Variants in NALCN observed in about 807,000 individuals in gnomAD.
The protein encoded by NALCN is sodium leak channel, non-selective.
In NALCN, 111 loss-of-function variants were observed where a neutral mutation model predicts 225.3. That is an observed-to-expected ratio of 0.49 (90% CI 0.42 to 0.58). The LOEUF is 0.58. Among genes scored for constraint, NALCN ranks in the 20% least tolerant of loss-of-function variants. The probability of loss-of-function intolerance (pLI) is 0.00; values close to 1 mark genes in which losing one functional copy is unlikely to be tolerated. For synonymous variants in NALCN, 764 were observed against 769.0 expected, an observed-to-expected ratio of 0.99 and a Z score of 0.11; for missense variants, 1,378 against 2,202.4, an observed-to-expected ratio of 0.63 and a Z score of 7.49.
intron 35 of NALCN, 22 bp from the exon 36 acceptor site, chr13:101,074,684 C>G: frequency 3.2e-6 from 5 of 1,561,530 alleles, no homozygotes; most frequent in South Asian, 1.2e-5. Context: ...GGGTGGGAAG[C>G]GGGGAGACAG....
At chr13:101,120,501 T>C (rs1189634908) in intron 18 of NALCN, among the ~76,000 whole-genome samples, 2 of 144,512 alleles carry the variant, frequency 1.4e-5, no homozygotes, top group Non-Finnish European at 3.0e-5. Context: ...CTCTACCCAA[T>C]GGGGATCAAT....
intron 11 of NALCN, among the ~76,000 whole-genome samples, chr13:101,242,246 C>T (rs1416375950): frequency 1.9e-5 from 2 of 105,796 alleles, no homozygotes; most frequent in Middle Eastern, 3.9e-3. Flanking sequence ...CTTGGTCTTA[C>T]GCTTCCTGTG....
At chr13:101,078,303 C>T (rs1037963635) in intron 34 of NALCN, among the ~76,000 whole-genome samples, 3 of 152,140 alleles carry the variant, frequency 2.0e-5, no homozygotes, top group Admixed American at 6.5e-5. Flanking sequence ...ATCCTCCAGA[C>T]TCCAGAATGG....
intron 6 of NALCN, among the ~76,000 whole-genome samples, chr13:101,358,828 A>T (rs974703328): frequency 2.0e-5 from 3 of 152,210 alleles, no homozygotes. Flanking sequence ...GACTAAGAAA[A>T]TGTGGGACAT....
intron 22 of NALCN, among the ~76,000 whole-genome samples, chr13:101,106,734 A>G (rs1302650637): frequency 6.6e-6 from 1 of 152,128 alleles, no homozygotes; most frequent in African/African-American, 2.4e-5. Context: ...GCCATGTAAG[A>G]TGTGCCTTTT....
chr13:101,096,210 C>T (rs1378039751), intron 27 of NALCN, among the ~76,000 whole-genome samples: 2 of 152,140 alleles, frequency 1.3e-5, no homozygotes, highest in Non-Finnish European at 2.9e-5. Context: ...GCCAGCAACT[C>T]CACTCCTAGG....
At chr13:101,343,065 T>A (rs1429383552) in intron 7 of NALCN, among the ~76,000 whole-genome samples, 1 of 152,156 alleles carries the variant, frequency 6.6e-6, no homozygotes, top group African/African-American at 2.4e-5. Context: ...AATTATGTTT[T>A]AAATTCAAAT....
intron 7 of NALCN, among the ~76,000 whole-genome samples, chr13:101,334,005 C>G (rs779522407): frequency 1.1e-4 from 17 of 152,094 alleles, no homozygotes; most frequent in Non-Finnish European, 2.2e-4. Context: ...AAAAGGCAAT[C>G]TATCAAATAT....
At chr13:101,088,793 T>C (rs2139542578) in intron 30 of NALCN, among the ~76,000 whole-genome samples, 1 of 152,378 alleles carries the variant, frequency 6.6e-6, no homozygotes, top group South Asian at 2.1e-4. Flanking sequence ...ATTGTTATTT[T>C]CCCATTTGTG....
intron 7 of NALCN, among the ~76,000 whole-genome samples, chr13:101,314,917 C>T (rs535161968): frequency 1.1e-4 from 17 of 151,948 alleles, no homozygotes; most frequent in Non-Finnish European, 2.4e-4. Flanking sequence ...TAGTTGGTTC[C>T]CACTGGCGGG....
Position 101,283,957 on chromosome 13 carries a change from C to G in NALCN, c.1110G>C (p.Gln370His). 1 of 1,613,596 alleles carries G rather than the reference C, an allele frequency of 6.2e-7. No homozygotes were observed. Among genetic ancestry groups the G allele is most frequent in the South Asian group, 1.1e-5 (1 of 90,934 alleles). ...CCTGGAGGCAGGCTGGGGCGCGTCCCTGGGGCTTGTTGACATCCACAGCTA... is the reference window on the plus strand; with the variant it reads ...CCTGGAGGCAGGCTGGGGCGCGTCCGTGGGGCTTGTTGACATCCACAGCTA... ...QLVAVDVNKP[Q>H]GRAPACLQKM... Residue 370 changes from glutamine to histidine, a missense_variant, in exon 10 of 44, where the codon CAG (glutamine) becomes CAC (histidine). By Grantham distance (24) the Gln-to-His change is conservative. Around this residue, in one of 19 missense-constraint regions of NALCN, gnomAD observed 144 missense variants for 187.7 expected, o/e 0.77. Coordinates refer to ENST00000251127, the MANE Select transcript of NALCN (RefSeq NM_052867.4).
In NALCN at chr13:101,326,289, AAACATAGTGCCT is replaced by A. The variant is rs531726866; in HGVS notation, c.799+18965_799+18976del. Among the ~76,000 whole-genome samples the A allele has an allele frequency of 4.2e-3, 647 of 152,354 alleles. 3 individuals carry two copies. The highest frequency in any genetic ancestry group is 0.015 in the African/African-American group (617 of 41,578). On this transcript the variant is annotated intron_variant, in intron 7 of 43. Transcript: ENST00000251127. ...TACCTGGTGCCTGCCTTCCAGTGGT[AAACATAGTGCCT>A]AACATATAGTAGATCTCAATAAATA...
intron 43 of NALCN, 127 bp downstream of exon 43, chr13:101,057,812 T>C (rs2031446012): frequency 1.3e-6 from 1 of 780,070 alleles, no homozygotes; most frequent in East Asian, 2.4e-5. Flanking sequence ...CATTTTTCAT[T>C]ATGTTGCTGT....
intron 6 of NALCN, among the ~76,000 whole-genome samples, chr13:101,360,142 CTCT>C (rs1312114215): frequency 1.7e-4 from 22 of 132,212 alleles, no homozygotes; most frequent in East Asian, 1.2e-3. Context: ...CTTTCTTTCT[CTCT>C]TTTTTTCTTT....
At chr13:101,115,891 C>T (rs1186700589) in intron 18 of NALCN, among the ~76,000 whole-genome samples, 2 of 152,096 alleles carry the variant, frequency 1.3e-5, no homozygotes, top group Non-Finnish European at 2.9e-5. Flanking sequence ...CTAGTGGCTT[C>T]ATATAAAAAA....
chr13:101,223,530 G>A (rs1421210718), intron 13 of NALCN, among the ~76,000 whole-genome samples: 1 of 151,816 alleles, frequency 6.6e-6, no homozygotes, highest in Non-Finnish European at 1.5e-5. Context: ...TCTGATAATG[G>A]CCCTGAATTC....
At chr13:101,329,277 GT>G (rs1335552714) in intron 7 of NALCN, among the ~76,000 whole-genome samples, 2 of 152,220 alleles carry the variant, frequency 1.3e-5, no homozygotes, top group East Asian at 3.9e-4. Flanking sequence ...CTGAATTAGG[GT>G]TTTTATTTCA....
intron 7 of NALCN, among the ~76,000 whole-genome samples, chr13:101,312,801 T>A (rs1184971215): frequency 6.6e-6 from 1 of 152,180 alleles, no homozygotes; most frequent in South Asian, 2.1e-4. Context: ...AAGCTACCAA[T>A]GACTTTCTTC....
chr13:101,367,426 T>C (rs1255730144), intron 6 of NALCN, among the ~76,000 whole-genome samples: 2 of 152,112 alleles, frequency 1.3e-5, no homozygotes, highest in East Asian at 3.9e-4. Context: ...ATTATTATTA[T>C]TATTACTAAT....
Sources: gnomAD v4.1 joint callset for allele counts (sites outside exome capture counted in the v4.1 genomes callset) on GRCh38, gnomAD v4.1.1 for gene constraint, gnomAD v4.1.1 regional missense constraint, MANE v1.5 for transcripts, NCBI Gene and HGNC (gene_info 2026-07-23, HGNC 2026-07-21) for gene names.